The following DDHD1 variants were observed in gnomAD, a reference collection of about 807,000 sequenced individuals.
DDHD1 encodes the protein DDHD domain containing 1, also known as phospholipase DDHD1.
Under a neutral mutation model 96.4 loss-of-function variants are expected in DDHD1, and 49 were observed. The ratio of observed to expected loss-of-function variants is 0.51; its 90% confidence interval spans 0.40 to 0.64. The LOEUF is 0.64. DDHD1 is among the 30% of genes least tolerant of loss of function. The pLI is 0.00. For missense variants in DDHD1, 1,106 were observed against 1,161.2 expected (o/e 0.95, Z 0.69); for synonymous variants, 442 against 446.5 (o/e 0.99, Z 0.13).
intron 1 of DDHD1, among the ~76,000 whole-genome samples, chr14:53,150,267 C>G (rs957633708): frequency 7.9e-5 from 12 of 152,306 alleles, no homozygotes; most frequent in African/African-American, 2.9e-4. Flanking sequence ...CTGTAAGACT[C>G]TGTCTTAAAT....
intron 6 of DDHD1, among the ~76,000 whole-genome samples, chr14:53,070,984 G>A (rs1010376631): frequency 2.0e-5 from 3 of 152,060 alleles, no homozygotes; most frequent in Non-Finnish European, 2.9e-5. Context: ...ATCTGTTTCA[G>A]CATTGGAGAA....
intron 1 of DDHD1, among the ~76,000 whole-genome samples, chr14:53,107,438 G>A (rs1393933740): frequency 6.6e-6 from 1 of 152,152 alleles, no homozygotes; most frequent in African/African-American, 2.4e-5. Context: ...ATCCTGGGCA[G>A]GATGGAGCAG....
Position 53,072,698 on chromosome 14 carries a change from C to T in DDHD1, c.1402G>A (p.Val468Ile), listed in dbSNP as rs1398045820. ...RSKLTLDGDT[V>I]DSITPDKVRG... is the part of the protein sequence containing the mutation. ...ACTTTGTCAGGAGTAATGGAATCAA[C>T]AGTGTCTACAAAAACAAACAAAAAA... Residue 468 changes from valine to isoleucine, a missense_variant, in exon 6 of 13, where the codon GTT becomes ATT. This residue lies in a region of DDHD1 where 650 missense variants were observed against 758.8 expected (regional missense o/e 0.86). Transcript: ENST00000673822. 5 of 1,602,220 alleles carry T rather than the reference C, an allele frequency of 3.1e-6. No individual in the cohort carries two copies. Among genetic ancestry groups the T allele is most frequent in the Admixed American group, 1.7e-5 (1 of 58,324 alleles).
chr14:53,049,608 T>C (rs1282297213), intron 12 of DDHD1, among the ~76,000 whole-genome samples: 1 of 150,046 alleles, frequency 6.7e-6, no homozygotes, highest in Non-Finnish European at 1.5e-5. Context: ...GAATGGGTGT[T>C]GTCATTCAGG....
intron 4 of DDHD1, among the ~76,000 whole-genome samples, chr14:53,080,715 C>CCCTT (rs5808702): frequency 0.63 from 64,336 of 102,312 alleles, 19,728 homozygotes; most frequent in East Asian, 0.73. Context: ...TTTTCCTTCC[C>CCCTT]CCTTTTTTTT....
chr14:53,092,038 T>A, intron 3 of DDHD1, 106 bp from the exon 4 acceptor site: 3 of 1,128,108 alleles, frequency 2.7e-6, no homozygotes, highest in Non-Finnish European at 3.7e-6. Context: ...ATGAAAAAAT[T>A]TCACTGGCTG....
intron 1 of DDHD1, among the ~76,000 whole-genome samples, chr14:53,140,406 C>T (rs947642925): frequency 6.6e-6 from 1 of 152,060 alleles, no homozygotes; most frequent in African/African-American, 2.4e-5. Context: ...TGGTGTACGC[C>T]TGTAATCCCA....
chr14:53,132,205 G>T (rs1889914366), intron 1 of DDHD1, among the ~76,000 whole-genome samples: 1 of 152,004 alleles, frequency 6.6e-6, no homozygotes, highest in Admixed American at 6.5e-5. Flanking sequence ...CAGCCAAAGC[G>T]CAGGGCTGTG....
At chr14:53,135,441 C>A (rs1890164627) in intron 1 of DDHD1, among the ~76,000 whole-genome samples, 1 of 152,218 alleles carries the variant, frequency 6.6e-6, no homozygotes, top group Non-Finnish European at 1.5e-5. Context: ...TCCCACCACC[C>A]GTTGCTGACT....
intron 1 of DDHD1, among the ~76,000 whole-genome samples, chr14:53,126,434 C>G (rs1219178827): frequency 6.6e-6 from 1 of 152,240 alleles, no homozygotes; most frequent in Admixed American, 6.5e-5. Context: ...GTGGAGCAAT[C>G]ACGGGTCACT....
Position 53,039,389 on chromosome 14 carries a change from TTTC to T in DDHD1, c.*7376_*7378del, listed in dbSNP as rs1311585696. 2.6e-5 allele frequency: 4 copies of T among 152,256 alleles called. No individual in the cohort carries two copies. Among genetic ancestry groups the T allele is most frequent in the African/African-American group, 9.7e-5 (4 of 41,448 alleles). 9.4% of individuals were successfully genotyped at this position (152,256 alleles called of 1,614,324 possible). On this transcript the variant is annotated 3_prime_UTR_variant, in exon 13 of 13. Transcript: ENST00000673822. ...CTATCTAGTTAGGGTTCTGTGCCTA[TTTC>T]TTGTCTAATCATTGTGGCTTATGGG...
intron 7 of DDHD1, among the ~76,000 whole-genome samples, chr14:53,061,526 T>C (rs1389992017): frequency 6.6e-6 from 1 of 152,184 alleles, no homozygotes; most frequent in Non-Finnish European, 1.5e-5. Context: ...TGTTCTCTCT[T>C]TTCTATACTT....
chr14:53,106,122 G>C (rs1447554680), intron 1 of DDHD1, among the ~76,000 whole-genome samples: 1 of 151,988 alleles, frequency 6.6e-6, no homozygotes, highest in African/African-American at 2.4e-5. Flanking sequence ...TTAATTCTTT[G>C]TTCACCCACT....
rs760468327 is a variant in DDHD1 at position 53,037,846 on chromosome 14, T to C, written c.*8922A>G. ...GTATTTCCTAGGTTTTCTTCTAGGATTTTTACAGTTTGAGGTCTTACATTT... is the reference window on the plus strand; with the variant it reads ...GTATTTCCTAGGTTTTCTTCTAGGACTTTTACAGTTTGAGGTCTTACATTT... On this transcript the variant is annotated 3_prime_UTR_variant, in exon 13 of 13. Coordinates refer to ENST00000673822, the MANE Select transcript of DDHD1 (RefSeq NM_001160148.2). 6.6e-6 allele frequency: 1 copy of C among 152,108 alleles called. No individual in the cohort carries two copies. The highest frequency in any genetic ancestry group is 1.5e-5 in the Non-Finnish European group (1 of 67,992). 9.4% of individuals were successfully genotyped at this position (152,108 alleles called of 1,614,324 possible). A position where few individuals can be genotyped will look rare whatever the true frequency, so the allele number is the denominator to read the frequency against.
chr14:53,109,540 G>C (rs985638929), intron 1 of DDHD1, among the ~76,000 whole-genome samples: 2 of 152,080 alleles, frequency 1.3e-5, no homozygotes, highest in African/African-American at 4.8e-5. Flanking sequence ...TCTGTCTTGC[G>C]GTAGTGCTGA....
At chr14:53,086,757 A>C (rs188760092) in intron 4 of DDHD1, among the ~76,000 whole-genome samples, 420 of 152,290 alleles carry the variant, frequency 2.8e-3, no homozygotes, top group Middle Eastern at 0.014. Flanking sequence ...TGGGCAAAAT[A>C]ACCAGCTAAC....
intron 7 of DDHD1, 171 bp from the exon 8 acceptor site, chr14:53,061,372 A>G: frequency 2.0e-6 from 1 of 503,506 alleles, no homozygotes; most frequent in Non-Finnish European, 3.3e-6. Context: ...GAAAGTATAT[A>G]AAAATTTATG....
intron 1 of DDHD1, 147 bp downstream of exon 1, chr14:53,152,114 C>A: frequency 1.2e-4 from 95 of 786,876 alleles, no homozygotes; most frequent in South Asian, 5.2e-4. Context: ...GCTGCCGACG[C>A]TCCCTGCTCA....
chr14:53,141,151 A>G (rs527737363), intron 1 of DDHD1, among the ~76,000 whole-genome samples: 75 of 152,376 alleles, frequency 4.9e-4, no homozygotes, highest in African/African-American at 1.7e-3. Flanking sequence ...CTGACAAAAT[A>G]ATACAGATCA....
Sources: allele counts gnomAD v4.1 joint callset (sites outside exome capture counted in the v4.1 genomes callset), GRCh38; gene constraint gnomAD v4.1.1; regional missense constraint gnomAD v4.1.1; transcripts MANE v1.5; gene names NCBI Gene and HGNC (gene_info 2026-07-23, HGNC 2026-07-21).